IL1RAPL2: variants seen among roughly 807,000 people sequenced by gnomAD.
IL1RAPL2 encodes X-linked interleukin-1 receptor accessory protein-like 2.
Under a neutral mutation model 44.1 loss-of-function variants are expected in IL1RAPL2, and 3 were observed. The observed-to-expected ratio is 0.07, with a 90% confidence interval of 0.03 to 0.18. IL1RAPL2 has a LOEUF of 0.18. Among genes scored for constraint, IL1RAPL2 ranks in the 10% least tolerant of loss-of-function variants. IL1RAPL2 has a pLI of 1.00. For missense variants in IL1RAPL2, 391 were observed against 496.4 expected, an observed-to-expected ratio of 0.79 and a Z score of 2.02; for synonymous variants, 181 against 178.8, an observed-to-expected ratio of 1.01 and a Z score of -0.10.
At position 104,639,111 on chromosome X, in the gene IL1RAPL2, T is replaced by C. The variant is rs890932831; in HGVS notation, c.-19-19784T>C. ...ATACCTTTGTCATTATATAATGAACTTTTTTGTCTTTTTTTTAACTACTTT... is the reference window on the plus strand; with the variant it reads ...ATACCTTTGTCATTATATAATGAACCTTTTTGTCTTTTTTTTAACTACTTT... On this transcript the variant is annotated intron_variant, in intron 1 of 10. Coordinates refer to ENST00000372582, the MANE Select transcript of IL1RAPL2 (RefSeq NM_017416.2). 3.6e-5 allele frequency among the ~76,000 whole-genome samples: 4 copies of C among 112,071 alleles called. No homozygotes were observed. In the Admixed American group the frequency reaches 3.8e-4, roughly 11 times the overall value.
At chrX:104,615,109 G>C (rs568583124) in intron 1 of IL1RAPL2, among the ~76,000 whole-genome samples, 57 of 111,771 alleles carry the variant, frequency 5.1e-4, no homozygotes, top group African/African-American at 1.9e-3. Flanking sequence ...TGTCTTTGTC[G>C]TAGTAGGTAT....
intron 5 of IL1RAPL2, among the ~76,000 whole-genome samples, chrX:105,477,697 A>G (rs1397065426): frequency 8.9e-6 from 1 of 111,903 alleles, no homozygotes; most frequent in Non-Finnish European, 1.9e-5. Context: ...GTCTTCTCAC[A>G]TGAAAGCTAT....
chrX:104,902,772 G>A (rs753110536), intron 2 of IL1RAPL2, among the ~76,000 whole-genome samples: 2 of 111,329 alleles, frequency 1.8e-5, no homozygotes, highest in Admixed American at 1.9e-4. Context: ...ATAAGGCCCA[G>A]TTTTAAAAAC....
chrX:105,203,224 A>C (rs913212405), intron 3 of IL1RAPL2, among the ~76,000 whole-genome samples: 4 of 111,972 alleles, frequency 3.6e-5, no homozygotes, highest in Non-Finnish European at 7.5e-5. Flanking sequence ...ACCCAAGAAC[A>C]TCACCTGAGC....
intron 5 of IL1RAPL2, among the ~76,000 whole-genome samples, chrX:105,298,915 C>T (rs190746448): frequency 1.8e-5 from 2 of 111,106 alleles, no homozygotes; most frequent in Admixed American, 1.9e-4. Context: ...CATTTGGCAA[C>T]ATGTAGGTCA....
In IL1RAPL2 at chrX:105,100,158, A is replaced by G. The variant is rs568596485; in HGVS notation, c.83-95317A>G. 2.6e-4 allele frequency among the ~76,000 whole-genome samples: 29 copies of G among 112,106 alleles called. No individual in the cohort carries two copies. In the South Asian group the frequency reaches 0.01, roughly 40 times the overall value. On this transcript the variant is annotated intron_variant, in intron 2 of 10. Transcript: ENST00000372582. The stretch of plus-strand genomic sequence containing the variant: ...TCTTACTGTGCCCAATTTATAAATG[A>G]CAATTCATCATAGATCTGTATGTAG...
chrX:105,640,661 T>C (rs987430802), intron 6 of IL1RAPL2, among the ~76,000 whole-genome samples: 1 of 62,790 alleles, frequency 1.6e-5, no homozygotes, highest in Non-Finnish European at 2.6e-5. Flanking sequence ...TGTGTATATA[T>C]ATATATATAT....
chrX:105,697,100 C>A (rs1245356847), intron 6 of IL1RAPL2, among the ~76,000 whole-genome samples: 1 of 109,602 alleles, frequency 9.1e-6, no homozygotes, highest in Non-Finnish European at 1.9e-5. Context: ...ATAGCCAGTT[C>A]TTACATGAAC....
At chrX:105,378,159 AAT>A (rs1201271571) in intron 5 of IL1RAPL2, among the ~76,000 whole-genome samples, 1 of 111,588 alleles carries the variant, frequency 9.0e-6, no homozygotes, top group Non-Finnish European at 1.9e-5. Context: ...GATGATAACA[AAT>A]AGTCTGTACT....
chrX:105,715,068 A>G (rs1396424824), intron 6 of IL1RAPL2, among the ~76,000 whole-genome samples: 2 of 112,011 alleles, frequency 1.8e-5, no homozygotes, highest in African/African-American at 6.5e-5. Flanking sequence ...GCTAGACTAG[A>G]GCATGTGGTT....
intron 2 of IL1RAPL2, among the ~76,000 whole-genome samples, chrX:104,660,465 A>C (rs1402514354): frequency 9.2e-6 from 1 of 108,198 alleles, no homozygotes; most frequent in Non-Finnish European, 1.9e-5. Context: ...AACTGAAAAA[A>C]AATAAGTTGC....
At chrX:105,361,349 C>T (rs1159423633) in intron 5 of IL1RAPL2, among the ~76,000 whole-genome samples, 6 of 110,615 alleles carry the variant, frequency 5.4e-5, no homozygotes, top group African/African-American at 2.0e-4. Flanking sequence ...AGTGAATAGG[C>T]CTGGAAGTGT....
chrX:105,656,447 AACAAGAAAG>A (rs2037678056), intron 6 of IL1RAPL2, among the ~76,000 whole-genome samples: 1 of 111,639 alleles, frequency 9.0e-6, no homozygotes, highest in South Asian at 3.8e-4. Flanking sequence ...ACTACTATTC[AACAAGAAAG>A]AACATATTTA....
chrX:105,567,499 T>G (rs2036983180), intron 6 of IL1RAPL2, among the ~76,000 whole-genome samples: 1 of 112,016 alleles, frequency 8.9e-6, no homozygotes, highest in African/African-American at 3.2e-5. Flanking sequence ...TAGTGGAGAA[T>G]TTTGTCAGAT....
chrX:104,802,014 A>T (rs1431288952), intron 2 of IL1RAPL2, among the ~76,000 whole-genome samples: 1 of 111,051 alleles, frequency 9.0e-6, no homozygotes, highest in Non-Finnish European at 1.9e-5. Flanking sequence ...GAGAATGCAG[A>T]CTCATTAACA....
At chrX:105,641,867 G>T (rs765577402) in intron 6 of IL1RAPL2, among the ~76,000 whole-genome samples, 27 of 111,741 alleles carry the variant, frequency 2.4e-4, no homozygotes, top group Non-Finnish European at 4.1e-4. Flanking sequence ...TTGAAAACAT[G>T]GGTGTGGAGC....
chrX:105,397,072 T>C (rs2035569080), intron 5 of IL1RAPL2, among the ~76,000 whole-genome samples: 1 of 110,622 alleles, frequency 9.0e-6, no homozygotes, highest in African/African-American at 3.3e-5. Flanking sequence ...GGTTGCATGC[T>C]CCTTATGAGA....
intron 2 of IL1RAPL2, among the ~76,000 whole-genome samples, chrX:104,740,637 C>A (rs1478593815): frequency 9.0e-6 from 1 of 110,536 alleles, no homozygotes; most frequent in Non-Finnish European, 1.9e-5. Context: ...AATTATTGCT[C>A]TAAACCTAGT....
At chrX:105,504,186 A>T (rs1257350796) in intron 6 of IL1RAPL2, among the ~76,000 whole-genome samples, 3 of 111,482 alleles carry the variant, frequency 2.7e-5, no homozygotes, top group African/African-American at 9.8e-5. Flanking sequence ...TTTTCATATC[A>T]TTGGAGTTCC....
Sources: allele counts gnomAD v4.1 joint callset (sites outside exome capture counted in the v4.1 genomes callset), GRCh38; gene constraint gnomAD v4.1.1; transcripts MANE v1.5; gene names NCBI Gene and HGNC (gene_info 2026-07-23, HGNC 2026-07-21).